The following RNLS variants were observed in gnomAD, a reference collection of about 807,000 sequenced individuals.
RNLS encodes the protein renalase, FAD dependent amine oxidase.
A neutral mutation model predicts 39.8 loss-of-function variants in RNLS; 39 were observed. The observed-to-expected ratio is 0.98, with a 90% CI of 0.76 to 1.28. RNLS has a LOEUF of 1.28. Ranked by LOEUF, RNLS falls within the 50% of genes most tolerant of loss-of-function variation. The pLI is 0.00. For synonymous variants in RNLS, 147 were observed against 150.7 expected (o/e 0.98, Z 0.18); for missense variants, 410 against 413.3 (o/e 0.99, Z 0.07).
intron 5 of RNLS, among the ~76,000 whole-genome samples, chr10:88,321,051 T>C (rs1162719556): frequency 1.3e-5 from 2 of 151,746 alleles, no homozygotes; most frequent in African/African-American, 2.4e-5. Flanking sequence ...TGATTGGCCA[T>C]ATAGCAAATC....
At chr10:88,507,187 T>C (rs986768664) in intron 4 of RNLS, among the ~76,000 whole-genome samples, 3 of 152,098 alleles carry the variant, frequency 2.0e-5, no homozygotes, top group Admixed American at 2.0e-4. Context: ...ATCAGTCAAG[T>C]CCAAGAGCTA....
At chr10:88,269,514 T>C (rs1044323772), downstream of RNLS, among the ~76,000 whole-genome samples, 2 of 152,208 alleles carry the variant, frequency 1.3e-5, no homozygotes, top group Non-Finnish European at 2.9e-5. Flanking sequence ...AACTAGGGCC[T>C]GGCCTAACTG....
chr10:88,504,928 G>T (rs1845705961), intron 4 of RNLS, among the ~76,000 whole-genome samples: 1 of 151,330 alleles, frequency 6.6e-6, no homozygotes, highest in Non-Finnish European at 1.5e-5. Context: ...GTAGATAAAT[G>T]GGGATGCCAA....
intron 6 of RNLS, among the ~76,000 whole-genome samples, chr10:88,299,393 C>T (rs1844337833): frequency 6.6e-6 from 1 of 152,144 alleles, no homozygotes; most frequent in Non-Finnish European, 1.5e-5. Context: ...GAGGCTGAGA[C>T]AGGCGGATCA....
intron 6 of RNLS, among the ~76,000 whole-genome samples, chr10:88,278,128 T>C (rs537572211): frequency 5.8e-4 from 88 of 152,298 alleles, no homozygotes; most frequent in African/African-American, 1.9e-3. Context: ...CACATTCTTG[T>C]AGCTCTTTCC....
In RNLS at chr10:88,575,149, TATATATATATACACAC is replaced by T. The variant is rs1452062620; in HGVS notation, c.368-2104_368-2089del. Among the ~76,000 whole-genome samples the T allele has an allele frequency of 5.5e-3, 304 of 55,264 alleles. 1 individual carries two copies. The highest frequency in any genetic ancestry group is 0.024 in the African/African-American group (277 of 11,330). 36.3% of individuals were successfully genotyped at this position (55,264 alleles called of 152,430 possible). The stretch of plus-strand genomic sequence containing the variant: ...GTATATATATATATATATATATATA[TATATATATATACACAC>T]ACACACACACACACATATTATATAT... On this transcript the variant is annotated intron_variant, in intron 3 of 6. Transcript: ENST00000331772.
chr10:88,427,276 C>G (rs1248102034), intron 4 of RNLS, among the ~76,000 whole-genome samples: 1 of 151,984 alleles, frequency 6.6e-6, no homozygotes, highest in African/African-American at 2.4e-5. Context: ...AAAAGTCCTA[C>G]TGTGCTGGAG....
At chr10:88,303,358 C>T (rs553694247) in intron 6 of RNLS, among the ~76,000 whole-genome samples, 5 of 152,296 alleles carry the variant, frequency 3.3e-5, no homozygotes, top group South Asian at 2.1e-4. Flanking sequence ...ACCTGATCTC[C>T]GAAAGACAAT....
At chr10:88,282,252 C>T (rs78998244), downstream of RNLS, among the ~76,000 whole-genome samples, 3,264 of 152,092 alleles carry the variant, frequency 0.021, 132 homozygotes, top group African/African-American at 0.075. Flanking sequence ...GACTGTACCC[C>T]CAACTAATAT....
At chr10:88,475,047 G>A (rs1317200937) in intron 4 of RNLS, among the ~76,000 whole-genome samples, 4 of 152,150 alleles carry the variant, frequency 2.6e-5, no homozygotes, top group Non-Finnish European at 4.4e-5. Flanking sequence ...AGACACTGGC[G>A]AAACTGAGGC....
At chr10:88,479,261 T>C (rs556679728) in intron 4 of RNLS, among the ~76,000 whole-genome samples, 20 of 152,292 alleles carry the variant, frequency 1.3e-4, no homozygotes, top group Non-Finnish European at 2.2e-4. Context: ...CAATATTCCC[T>C]TACTTGGATC....
At chr10:88,385,727 T>TG (rs749722669) in intron 4 of RNLS, among the ~76,000 whole-genome samples, 4 of 152,138 alleles carry the variant, frequency 2.6e-5, no homozygotes, top group Admixed American at 6.6e-5. Context: ...TTCCTTCGGG[T>TG]GGGGCCCTGT....
chr10:88,389,286 G>A (rs1374609350), intron 4 of RNLS, among the ~76,000 whole-genome samples: 1 of 152,208 alleles, frequency 6.6e-6, no homozygotes, highest in Non-Finnish European at 1.5e-5. Context: ...CAGAAAAGGA[G>A]AGGTATGTCT....
chr10:88,183,029 A>G, the RNLS span, among the ~76,000 whole-genome samples: 1 of 152,136 alleles, frequency 6.6e-6, no homozygotes, highest in Non-Finnish European at 1.5e-5. Context: ...GAACAATAAT[A>G]TTCATCTTGC....
At position 88,511,024 on chromosome 10, in the gene RNLS, A is replaced by G. The variant is rs572620682; in HGVS notation, c.526+61879T>C. The stretch of plus-strand genomic sequence containing the variant: ...TTATTATGCCCATTTTACAAATGAA[A>G]AAAAAAAAAACCAAAAACCTGAGGT... On this transcript the variant is annotated intron_variant, in intron 4 of 6. Coordinates refer to ENST00000331772, the MANE Select transcript of RNLS (RefSeq NM_001031709.3). Among the ~76,000 whole-genome samples, 55 of 122,684 alleles carry G rather than the reference A, an allele frequency of 4.5e-4. 2 individuals are homozygous for G. Among genetic ancestry groups the G allele is most frequent in the Non-Finnish European group, 9.1e-4 (49 of 54,086 alleles). 80.5% of individuals were successfully genotyped at this position (122,684 alleles called of 152,430 possible).
At chr10:88,307,774 A>G (rs1845036998) in intron 6 of RNLS, among the ~76,000 whole-genome samples, 1 of 152,262 alleles carries the variant, frequency 6.6e-6, no homozygotes, top group Non-Finnish European at 1.5e-5. Flanking sequence ...TATAGATTCA[A>G]TGCTATTGCT....
At chr10:88,393,847 A>G (rs756098060) in intron 4 of RNLS, among the ~76,000 whole-genome samples, 19 of 152,212 alleles carry the variant, frequency 1.2e-4, no homozygotes, top group Non-Finnish European at 2.6e-4. Flanking sequence ...AAACAGAGAT[A>G]TACACCAATG....
intron 4 of RNLS, among the ~76,000 whole-genome samples, chr10:88,410,982 T>A (rs1467403018): frequency 6.6e-6 from 1 of 152,158 alleles, no homozygotes; most frequent in Non-Finnish European, 1.5e-5. Flanking sequence ...GATTTCAACA[T>A]CATTCTCCTC....
At chr10:88,299,988 G>A (rs1308765857) in intron 6 of RNLS, among the ~76,000 whole-genome samples, 4 of 152,136 alleles carry the variant, frequency 2.6e-5, no homozygotes, top group Non-Finnish European at 5.9e-5. Flanking sequence ...GCTGACAGCA[G>A]CAAAAAAAGA....
Sources: allele counts gnomAD v4.1 joint callset (sites outside exome capture counted in the v4.1 genomes callset), GRCh38; gene constraint gnomAD v4.1.1; transcripts MANE v1.5; gene names NCBI Gene and HGNC (gene_info 2026-07-23, HGNC 2026-07-21).